The following NUDC variants were observed in gnomAD, a reference collection of about 807,000 sequenced individuals.
NUDC encodes the protein nuclear migration protein nudC.
Under a neutral mutation model 45.0 loss-of-function variants are expected in NUDC, and 14 were observed. The observed-to-expected ratio is 0.31, with a 90% confidence interval of 0.21 to 0.49. The LOEUF is 0.49. Ranked by LOEUF, NUDC falls within the 20% of genes least tolerant of loss-of-function variation. The pLI is 0.99. For missense variants in NUDC, 323 were observed against 426.2 expected (o/e 0.76, Z 2.13); for synonymous variants, 153 against 156.7 (o/e 0.98, Z 0.17).
At chr1:26,922,089 C>A in intron 1 of NUDC, 160 bp downstream of exon 1, 1 of 731,358 alleles carries the variant, frequency 1.4e-6, no homozygotes, top group Non-Finnish European at 2.3e-6. Context: ...CACCCGCCAG[C>A]AGGTCTCACC....
At chr1:26,900,279 C>A in exon 1 of NUDC, 1 of 1,613,964 alleles carries the variant, frequency 6.2e-7, no homozygotes, top group Non-Finnish European at 8.5e-7. Flanking sequence ...CGGAGGGGCC[C>A]GCTCAGGCCG....
intron 2 of NUDC, among the ~76,000 whole-genome samples, chr1:26,924,695 A>G (rs1570724741): frequency 6.6e-6 from 1 of 152,006 alleles, no homozygotes; most frequent in Non-Finnish European, 1.5e-5. Flanking sequence ...GTGGGATTAC[A>G]GGCGCCCGCC....
chr1:26,939,967 G>A (rs1443589065), intron 2 of NUDC, among the ~76,000 whole-genome samples: 1 of 152,224 alleles, frequency 6.6e-6, no homozygotes, highest in Non-Finnish European at 1.5e-5. Flanking sequence ...AAGGCCAGGA[G>A]CCAAATAATG....
At chr1:26,929,161 A>C (rs538311809) in intron 2 of NUDC, among the ~76,000 whole-genome samples, 1 of 152,348 alleles carries the variant, frequency 6.6e-6, no homozygotes, top group South Asian at 2.1e-4. Flanking sequence ...CTGGTCACAA[A>C]AGGACAAATA....
intron 1 of NUDC, among the ~76,000 whole-genome samples, chr1:26,901,368 GGT>G (rs1255174556): frequency 6.6e-6 from 1 of 150,466 alleles, no homozygotes; most frequent in Non-Finnish European, 1.5e-5. Flanking sequence ...TAGGATTACA[GGT>G]GTGAGCCACG....
chr1:26,943,404 C>T (rs1208633271), intron 6 of NUDC, among the ~76,000 whole-genome samples: 1 of 151,838 alleles, frequency 6.6e-6, no homozygotes, highest in Non-Finnish European at 1.5e-5. Flanking sequence ...TTGTAGAGAC[C>T]GGGGGGTCTC....
chr1:26,942,533 G>A, intron 4 of NUDC, 127 bp from the exon 5 acceptor site: 1 of 1,387,166 alleles, frequency 7.2e-7, no homozygotes, highest in South Asian at 1.2e-5. Context: ...CTGTGGAGTG[G>A]GCAGGGACCA....
intron 2 of NUDC, among the ~76,000 whole-genome samples, chr1:26,902,557 G>A (rs2081984852): frequency 6.6e-6 from 1 of 152,110 alleles, no homozygotes; most frequent in Non-Finnish European, 1.5e-5. Context: ...TATTGCAATA[G>A]TTCCTTTCTT....
intron 2 of NUDC, among the ~76,000 whole-genome samples, chr1:26,928,059 G>A (rs1337504589): frequency 1.3e-5 from 2 of 152,168 alleles, no homozygotes; most frequent in Non-Finnish European, 2.9e-5. Flanking sequence ...GCTAGGAATT[G>A]TAGACTTGAA....
At chr1:26,935,590 T>TTCAAATTACCCCCCAC (rs2082222769) in intron 2 of NUDC, among the ~76,000 whole-genome samples, 1 of 152,030 alleles carries the variant, frequency 6.6e-6, no homozygotes, top group African/African-American at 2.4e-5. Flanking sequence ...GCCACCCCCA[T>TTCAAATTACCCCCCAC]GATTCAAATT....
chr1:26,940,517 T>C (rs1417469902), intron 2 of NUDC, among the ~76,000 whole-genome samples: 2 of 151,974 alleles, frequency 1.3e-5, no homozygotes, highest in Admixed American at 1.3e-4. Flanking sequence ...GGCTTTCTGC[T>C]AACGTGTCCT....
upstream of NUDC, among the ~76,000 whole-genome samples, chr1:26,919,404 T>C (rs1351859095): frequency 6.6e-6 from 1 of 152,218 alleles, no homozygotes. Flanking sequence ...AGGGTTTTGC[T>C]GTGTTGCTAT....
At chr1:26,905,703 G>A (rs2082000196) in intron 2 of NUDC, among the ~76,000 whole-genome samples, 1 of 151,982 alleles carries the variant, frequency 6.6e-6, no homozygotes, top group Non-Finnish European at 1.5e-5. Context: ...CCCTCACAGA[G>A]GAATCTTGAT....
intron 3 of NUDC, among the ~76,000 whole-genome samples, chr1:26,913,121 C>A (rs1224344399): frequency 6.6e-6 from 1 of 152,090 alleles, no homozygotes; most frequent in African/African-American, 2.4e-5. Flanking sequence ...CCCATCTCTA[C>A]TAAAAAGTAC....
In NUDC at chr1:26,936,338, C is replaced by T. The variant is rs186873499; in HGVS notation, c.160-5119C>T. ...CCAAGTAGCTGGGATTACAGGCATG[C>T]GCCACCACGCCCAGCTAATTTTTGT... On this transcript the variant is annotated intron_variant, in intron 2 of 8. Coordinates refer to ENST00000321265, the MANE Select transcript of NUDC (RefSeq NM_006600.4). Among the ~76,000 whole-genome samples, 402 of 149,768 alleles carry T rather than the reference C, an allele frequency of 2.7e-3. 2 individuals are homozygous for T. The highest frequency in any genetic ancestry group is 9.1e-3 in the African/African-American group (369 of 40,718).
chr1:26,916,554 T>C (rs962856078), intron 3 of NUDC, among the ~76,000 whole-genome samples: 4 of 152,164 alleles, frequency 2.6e-5, no homozygotes, highest in African/African-American at 9.6e-5. Context: ...TAGCAAGATA[T>C]CAACTTTTCC....
At chr1:26,917,259 A>AAAT (rs530923691), upstream of NUDC, among the ~76,000 whole-genome samples, 16 of 151,568 alleles carry the variant, frequency 1.1e-4, no homozygotes, top group African/African-American at 1.7e-4. Context: ...CCTTGTCTCA[A>AAAT]AATAATAATA....
chr1:26,942,982 G>C lies in NUDC; in HGVS notation c.658G>C (p.Gly220Arg). 1 of 1,614,152 alleles carries C rather than the reference G, an allele frequency of 6.2e-7. No homozygotes were observed. The highest frequency in any genetic ancestry group is 1.1e-5 in the South Asian group (1 of 91,082). Residue 220 changes from glycine to arginine, a missense_variant, in exon 6 of 9, where the codon GGG becomes CGG. Physicochemically the swap from Gly to Arg is moderately radical, Grantham distance 125. Coordinates refer to ENST00000321265, the MANE Select transcript of NUDC (RefSeq NM_006600.4). ...CAAGGGGCAGCCAGCGATCATTGATGGGGAGCTCTACAATGAAGTGAAGGT... is the reference window on the plus strand; with the variant it reads ...CAAGGGGCAGCCAGCGATCATTGATCGGGAGCTCTACAATGAAGTGAAGGT... ...GLKGQPAIID[G>R]ELYNEVKVEE... is the part of the protein sequence containing the mutation.
In NUDC at chr1:26,921,795, A is replaced by G. The variant is rs2124090023; in HGVS notation, c.-54A>G. On this transcript the variant is annotated 5_prime_UTR_variant, in exon 1 of 9. Coordinates refer to ENST00000321265, the MANE Select transcript of NUDC (RefSeq NM_006600.4). ...GGCCCGGCGCGACCCGCAGGAGCGT[A>G]GAGAGCGCGGGACTAGAGTGCAGAG... 6.6e-7 allele frequency: 1 copy of G among 1,522,108 alleles called. No individual in the cohort carries two copies. The highest frequency in any genetic ancestry group is 8.9e-7 in the Non-Finnish European group (1 of 1,122,432). The allele number at this position is 1,522,108 out of a possible 1,614,324, so 94.3% of individuals were successfully genotyped here.
Sources: gnomAD v4.1 joint callset for allele counts (sites outside exome capture counted in the v4.1 genomes callset) on GRCh38, gnomAD v4.1.1 for gene constraint, MANE v1.5 for transcripts, NCBI Gene and HGNC (gene_info 2026-07-23, HGNC 2026-07-21) for gene names.